Variants in PCDHGA9 observed in about 807,000 individuals in gnomAD.
The protein encoded by PCDHGA9 is protocadherin gamma subfamily A, 9, also known as protocadherin gamma-A9.
A neutral mutation model predicts 62.5 loss-of-function variants in PCDHGA9; 37 were observed. The observed-to-expected ratio is 0.59, with a 90% CI of 0.46 to 0.78. The LOEUF is 0.78. Among genes scored for constraint, PCDHGA9 ranks in the 30% least tolerant of loss-of-function variants. The pLI is 0.00. For missense variants in PCDHGA9, 1,138 were observed against 1,166.2 expected (o/e 0.98, Z 0.35); for synonymous variants, 459 against 484.6 (o/e 0.95, Z 0.69).
Position 141,403,006 on chromosome 5 carries a change from G to T in PCDHGA9, c.54G>T (p.Ser18=). 1.9e-6 allele frequency: 3 copies of T among 1,614,006 alleles called. No homozygotes were observed. The highest frequency in any genetic ancestry group is 1.3e-5 in the African/African-American group (1 of 75,080). The stretch of plus-strand genomic sequence containing the variant: ...GCGGAAGATTAGTCCTGCTATGCTC[G>T]CTCCTGGGGATGCTATGGGAGGCCA... The part of the protein sequence containing the change: ...QLRGRLVLLC[S]LLGMLWEARA... Residue 18 remains serine (S), a synonymous_variant, in exon 1 of 4, where the codon TCG becomes TCT. Transcript: ENST00000573521.
chr5:141,413,033 T>G, intron 1 of PCDHGA9: 1 of 776,760 alleles, frequency 1.3e-6, no homozygotes, highest in Non-Finnish European at 2.0e-6. Context: ...ACAAACCGGC[T>G]GCTGGGCTGC....
At position 141,476,387 on chromosome 5, in the gene PCDHGA9, C is replaced by T. The variant is rs147660262; in HGVS notation, c.2425-18420C>T. The T allele has an allele frequency of 6.2e-6, 10 of 1,613,958 alleles. No homozygotes were observed. Among genetic ancestry groups the T allele is most frequent in the Non-Finnish European group, 7.6e-6 (9 of 1,180,032 alleles). ...GACCGGAGAGATGTTTGTGAACGAC[C>T]GTCTGGATCGAGAGGAGCTGTGTGG... On this transcript the variant is annotated intron_variant, in intron 1 of 3. Coordinates refer to ENST00000573521, the MANE Select transcript of PCDHGA9 (RefSeq NM_018921.3). This position sits in a 1 kb window ranked among gnomAD's most constrained non-coding sequence, Gnocchi z 7.6.
chr5:141,488,690 G>A (rs1292736219), intron 1 of PCDHGA9, among the ~76,000 whole-genome samples: 1 of 152,186 alleles, frequency 6.6e-6, no homozygotes, highest in African/African-American at 2.4e-5. Flanking sequence ...TCTCCCAGAA[G>A]GACAAGATTT....
chr5:141,494,037 T>C (rs2099751443), intron 1 of PCDHGA9, among the ~76,000 whole-genome samples: 1 of 152,146 alleles, frequency 6.6e-6, no homozygotes, highest in South Asian at 2.1e-4. Context: ...GAGACTTAGT[T>C]GGCCCTGCTT....
chr5:141,511,230 C>A lies in PCDHGA9; in HGVS notation c.*57C>A. On this transcript the variant is annotated 3_prime_UTR_variant, in exon 4 of 4. Transcript: ENST00000573521. ...CCTCTCCCCAACCAGCCCAGCTTCT[C>A]CTTACCTGCACCCAGGCCTCAGAGT... 6.3e-7 allele frequency: 1 copy of A among 1,597,914 alleles called. No homozygotes were observed. The highest frequency in any genetic ancestry group is 1.1e-5 in the South Asian group (1 of 89,144).
rs1191643556 is a variant in PCDHGA9, at chr5:141,486,302, C to T, written c.2425-8505C>T. The T allele has an allele frequency of 2.5e-6, 4 of 1,613,918 alleles. No individual in the cohort carries two copies. The highest frequency in any genetic ancestry group is 3.4e-6 in the Non-Finnish European group (4 of 1,180,002). Reference sequence around the variant, plus strand: ...GGTGGCACTTATCAGTGTGCAGGATCCAGACTCAGGGTCAAACGGAGATGT... The same window carrying T: ...GGTGGCACTTATCAGTGTGCAGGATTCAGACTCAGGGTCAAACGGAGATGT... On this transcript the variant is annotated intron_variant, in intron 1 of 3. Coordinates refer to ENST00000573521, the MANE Select transcript of PCDHGA9 (RefSeq NM_018921.3). This position sits in a 1 kb window ranked among gnomAD's most constrained non-coding sequence, Gnocchi z 5.0.
At chr5:141,465,047 T>C (rs2099095978) in intron 1 of PCDHGA9, among the ~76,000 whole-genome samples, 1 of 152,088 alleles carries the variant, frequency 6.6e-6, no homozygotes, top group Non-Finnish European at 1.5e-5. Context: ...TGACCCTATA[T>C]ATTTTTTTGA....
chr5:141,496,277 T>C (rs1484877198), intron 2 of PCDHGA9, among the ~76,000 whole-genome samples: 1 of 152,134 alleles, frequency 6.6e-6, no homozygotes, highest in Non-Finnish European at 1.5e-5. Context: ...AGACCTTCAG[T>C]TGGTCTGAGC....
intron 1 of PCDHGA9, chr5:141,419,357 AC>A (rs1185938270): frequency 3.7e-6 from 6 of 1,613,814 alleles, no homozygotes; most frequent in Non-Finnish European, 4.2e-6. Context: ...GGAGTCACGA[AC>A]GCTGTCGTCC....
chr5:141,433,245 A>C, intron 1 of PCDHGA9: 3 of 1,459,776 alleles, frequency 2.1e-6, no homozygotes, highest in Non-Finnish European at 2.8e-6. Context: ...CCAAGCTGGA[A>C]TGCAGCGGTA....
At position 141,444,152 on chromosome 5, in the gene PCDHGA9, A is replaced by ATTT. The variant is rs747671382; in HGVS notation, c.2424+38810_2424+38812dup. 1.9e-3 allele frequency among the ~76,000 whole-genome samples: 66 copies of ATTT among 33,898 alleles called. 23 individuals are homozygous for ATTT. Among genetic ancestry groups the ATTT allele is most frequent in the African/African-American group, 4.6e-3 (33 of 7,184 alleles). The allele number at this position is 33,898 out of a possible 152,430, so 22.2% of individuals were successfully genotyped here. A position where few individuals can be genotyped will look rare whatever the true frequency, so the allele number is the denominator to read the frequency against. On this transcript the variant is annotated intron_variant, in intron 1 of 3. Transcript: ENST00000573521. Reference sequence around the variant, plus strand: ...GATATGTGTCACTTGTGTGTACTGGATTTTTTTTTTTTTTTTTTTTTTTTT... The same window carrying ATTT: ...GATATGTGTCACTTGTGTGTACTGGATTTTTTTTTTTTTTTTTTTTTTTTTTTT...
chr5:141,417,524 T>C (rs2096128269), intron 1 of PCDHGA9: 1 of 271,098 alleles, frequency 3.7e-6, no homozygotes, highest in African/African-American at 2.2e-5. Flanking sequence ...GGCTGTCAAC[T>C]CGTAGTTTAA....
chr5:141,425,795 T>A (rs2096894407), intron 1 of PCDHGA9, among the ~76,000 whole-genome samples: 1 of 152,244 alleles, frequency 6.6e-6, no homozygotes, highest in Non-Finnish European at 1.5e-5. Flanking sequence ...TTCCAATATG[T>A]GCATTGCTTC....
chr5:141,410,549 G>T, intron 1 of PCDHGA9: 1 of 1,613,438 alleles, frequency 6.2e-7, no homozygotes, highest in East Asian at 2.2e-5. Context: ...GGTTTGCAGT[G>T]TTTCTCCTGG....
chr5:141,475,343 G>A (rs1425482944), intron 1 of PCDHGA9, among the ~76,000 whole-genome samples: 1 of 152,178 alleles, frequency 6.6e-6, no homozygotes, highest in Non-Finnish European at 1.5e-5. Flanking sequence ...ATGACATCCA[G>A]TTTTAAAAGA....
chr5:141,487,688 G>T lies in PCDHGA9; in HGVS notation c.2425-7119G>T, dbSNP rs376927186. ...AGGCATATGGCTAGGCCATGTCCTAGAGAGTACTGGCCTCTCAGTAAGTGC... is the reference window on the plus strand; with the variant it reads ...AGGCATATGGCTAGGCCATGTCCTATAGAGTACTGGCCTCTCAGTAAGTGC... On this transcript the variant is annotated intron_variant, in intron 1 of 3. Coordinates refer to ENST00000573521, the MANE Select transcript of PCDHGA9 (RefSeq NM_018921.3). The surrounding 1 kb of genome is among the most constrained non-coding windows in gnomAD (Gnocchi z 5.0). 1.2e-6 allele frequency: 2 copies of T among 1,604,966 alleles called. No individual in the cohort carries two copies.
rs558944208 is a variant in PCDHGA9, at chr5:141,478,187, A to G, written c.2425-16620A>G. On this transcript the variant is annotated intron_variant, in intron 1 of 3. Coordinates refer to ENST00000573521, the MANE Select transcript of PCDHGA9 (RefSeq NM_018921.3). ...CCCCCGGGAGCAGAAAAAAAATCTC[A>G]CCTTTTATCTACTTCTTTCTCTAAT... is the stretch of plus-strand genomic sequence containing the variant. The G allele has an allele frequency of 2.9e-5, 46 of 1,613,548 alleles. No individual in the cohort carries two copies. The highest frequency in any genetic ancestry group is 3.9e-5 in the Non-Finnish European group (46 of 1,179,954).
At position 141,403,209 on chromosome 5, in the gene PCDHGA9, C is replaced by T. The variant is rs1247618991; in HGVS notation, c.257C>T (p.Thr86Ile). Residue 86 changes from threonine (T) to isoleucine (I), a missense_variant, in exon 1 of 4, where the codon ACC becomes ATC. Thr to Ile is a moderately conservative substitution (Grantham distance 89). Coordinates refer to ENST00000573521, the MANE Select transcript of PCDHGA9 (RefSeq NM_018921.3). ...SLNPRSGTLV[T>I]AGRIDREELC... The stretch of plus-strand genomic sequence containing the variant: ...AACCCGCGCAGCGGCACCTTGGTCA[C>T]CGCGGGTAGGATAGACCGGGAGGAG... 2 of 1,613,982 alleles carry T rather than the reference C, an allele frequency of 1.2e-6. No homozygotes were observed. The highest frequency in any genetic ancestry group is 1.7e-5 in the Admixed American group (1 of 60,038).
At chr5:141,465,150 G>A (rs192648619) in intron 1 of PCDHGA9, among the ~76,000 whole-genome samples, 474 of 151,492 alleles carry the variant, frequency 3.1e-3, no homozygotes, top group Middle Eastern at 0.024. Context: ...GATATATGAA[G>A]GGACTCTAAA....
Sources: allele counts gnomAD v4.1 joint callset (sites outside exome capture counted in the v4.1 genomes callset), GRCh38; gene constraint gnomAD v4.1.1; non-coding constraint Gnocchi (gnomAD v3.1); transcripts MANE v1.5; gene names NCBI Gene and HGNC (gene_info 2026-07-23, HGNC 2026-07-21).